Variants in MYO3A observed in about 807,000 individuals in gnomAD.
MYO3A encodes myosin-IIIa.
Under a neutral mutation model 192.7 loss-of-function variants are expected in MYO3A, and 180 were observed. The ratio of observed to expected loss-of-function variants is 0.93; its 90% CI spans 0.83 to 1.06. The LOEUF (loss-of-function observed/expected upper bound fraction) is 1.06, where lower values mean the gene tolerates loss of function less well. Among genes scored for constraint, MYO3A ranks in the 50% least tolerant of loss-of-function variants. The pLI is 0.00. For synonymous variants in MYO3A, 628 were observed against 645.3 expected (o/e 0.97, Z 0.41); for missense variants, 1,896 against 1,905.0 (o/e 1.00, Z 0.09).
In MYO3A at chr10:25,954,779, A is replaced by G. The variant is rs1163559334; in HGVS notation, c.169-95A>G. On this transcript the variant is annotated intron_variant, in intron 3 of 34. Coordinates refer to ENST00000642920, the MANE Select transcript of MYO3A (RefSeq NM_017433.5). ...CAGTAAAAACTATTATGACCTTGAC[A>G]TAATGAAATTCTGTATTTGGTATTC... The G allele has an allele frequency of 6.1e-6, 8 of 1,315,188 alleles. No individual in the cohort carries two copies. The South Asian group carries it at 9.6e-5, about 16-fold the overall frequency. The allele number at this position is 1,315,188 out of a possible 1,614,324, so 81.5% of individuals were successfully genotyped here.
chr10:25,992,761 A>C (rs757422241), intron 4 of MYO3A, among the ~76,000 whole-genome samples: 1 of 152,190 alleles, frequency 6.6e-6, no homozygotes, highest in Admixed American at 6.5e-5. Flanking sequence ...ATCTATTGAG[A>C]TAATCATGTG....
Position 25,995,530 on chromosome 10 carries a change from G to A in MYO3A, c.304-960G>A, listed in dbSNP as rs188686687. 2.0e-5 allele frequency among the ~76,000 whole-genome samples: 3 copies of A among 152,180 alleles called. No individual in the cohort carries two copies. The East Asian group carries it at 5.8e-4, about 29-fold the overall frequency. The stretch of plus-strand genomic sequence containing the variant: ...CATCAGTCATTCTCCATCCAGCTTT[G>A]TTCCATTGCTGGTGAGGAGCTGCGT... On this transcript the variant is annotated intron_variant, in intron 4 of 34. Transcript: ENST00000642920.
In MYO3A at chr10:26,096,628, A is replaced by G; in HGVS notation, c.1722A>G (p.Lys574=). 1 of 1,607,142 alleles carries G rather than the reference A, an allele frequency of 6.2e-7. No homozygotes were observed. Among genetic ancestry groups the G allele is most frequent in the Non-Finnish European group, 8.5e-7 (1 of 1,173,704 alleles). ...ACATCATGAATAATAGTTTCTATAAATCCCAGTATGAATTAATTGAGCAAT... is the reference window on the plus strand; with the variant it reads ...ACATCATGAATAATAGTTTCTATAAGTCCCAGTATGAATTAATTGAGCAAT... The part of the protein sequence containing the change: ...VQDIMNNSFY[K]SQYELIEQCF... The change falls in exon 17 of 35, where the codon AAA becomes AAG. Residue 574 remains lysine (K), a synonymous_variant. Coordinates refer to ENST00000642920, the MANE Select transcript of MYO3A (RefSeq NM_017433.5).
chr10:25,989,664 T>C (rs115349218), intron 4 of MYO3A, among the ~76,000 whole-genome samples: 14,422 of 152,160 alleles, frequency 0.095, 1,194 homozygotes, highest in African/African-American at 0.22. Flanking sequence ...ATGCAATTCA[T>C]CTTAACTATT....
At position 25,952,057 on chromosome 10, in the gene MYO3A, A is replaced by T. The variant is rs1022977070; in HGVS notation, c.-17-37A>T. 18 of 1,494,232 alleles carry T rather than the reference A, an allele frequency of 1.2e-5. No individual in the cohort carries two copies. The African/African-American group carries it at 2.2e-4, about 18-fold the overall frequency. The allele number at this position is 1,494,232 out of a possible 1,614,324, so 92.6% of individuals were successfully genotyped here. A position where few individuals can be genotyped will look rare whatever the true frequency, so the allele number is the denominator to read the frequency against. On this transcript the variant is annotated intron_variant, in intron 2 of 34. Transcript: ENST00000642920. ...TTTGTGTGTGCCATTTGATATCCTC[A>T]ATCAACTGTAGATGAAACTGTACTT...
chr10:26,049,673 CTTTTTTTTTTTTT>C (rs66467075), intron 10 of MYO3A, among the ~76,000 whole-genome samples: 1 of 69,114 alleles, frequency 1.4e-5, no homozygotes, highest in Admixed American at 1.7e-4. Flanking sequence ...TTCTTTCTTT[CTTTTTTTTTTTTT>C]TTTTTTTTTT....
At chr10:26,107,106 T>A (rs1032723176) in intron 17 of MYO3A, among the ~76,000 whole-genome samples, 1 of 151,958 alleles carries the variant, frequency 6.6e-6, no homozygotes, top group Admixed American at 6.6e-5. Context: ...CTGGGAGAGA[T>A]CTAGTATTTG....
chr10:26,028,197 C>T (rs1198100111), intron 10 of MYO3A, among the ~76,000 whole-genome samples: 1 of 152,138 alleles, frequency 6.6e-6, no homozygotes, highest in African/African-American at 2.4e-5. Flanking sequence ...TATGATAACC[C>T]ATTTTCATAG....
intron 22 of MYO3A, among the ~76,000 whole-genome samples, chr10:26,147,026 A>G (rs553061833): frequency 6.6e-6 from 1 of 152,324 alleles, no homozygotes; most frequent in East Asian, 1.9e-4. Flanking sequence ...TCACACTACT[A>G]CTGAGATAAA....
At chr10:26,189,391 G>A (rs974938923) in intron 31 of MYO3A, among the ~76,000 whole-genome samples, 16 of 152,164 alleles carry the variant, frequency 1.1e-4, no homozygotes, top group Non-Finnish European at 1.8e-4. Context: ...GGTTTAAAAT[G>A]GCTTGTGCAA....
rs35541310 is a variant in MYO3A, at chr10:26,168,855, C to T, written c.3255C>T (p.Ser1085=). The change falls in exon 28 of 35, where the codon AGC becomes AGT. Residue 1085 remains serine (S), a synonymous_variant. Coordinates refer to ENST00000642920, the MANE Select transcript of MYO3A (RefSeq NM_017433.5). ...AAATACAGGAGAAAAGGAAAGAAAG[C>T]GCTATAATAATACAGTCAGGTAATC... ...YQKIQEKRKE[S]AIIIQSAARG... The T allele has an allele frequency of 1.3e-4, 215 of 1,610,948 alleles. No individual in the cohort carries two copies. The African/African-American group carries it at 1.7e-3, about 13-fold the overall frequency.
chr10:26,176,622 C>G, intron 30 of MYO3A, 79 bp from the exon 31 acceptor site: 1 of 1,306,928 alleles, frequency 7.7e-7, no homozygotes, highest in Non-Finnish European at 1.1e-6. Context: ...GCTGGTAAGG[C>G]GTTTCCCAGC....
intron 10 of MYO3A, 131 bp downstream of exon 10, chr10:26,026,663 C>G: frequency 9.5e-7 from 1 of 1,053,956 alleles, no homozygotes; most frequent in South Asian, 1.4e-5. Context: ...GTGAATGTCA[C>G]CTGTTGAAAT....
At chr10:26,159,496 C>A (rs1292507348) in intron 26 of MYO3A, among the ~76,000 whole-genome samples, 1 of 151,366 alleles carries the variant, frequency 6.6e-6, no homozygotes, top group Non-Finnish European at 1.5e-5. Flanking sequence ...TCTCCTGCCT[C>A]AGCCTCCCGA....
intron 9 of MYO3A, among the ~76,000 whole-genome samples, chr10:26,025,982 G>A (rs1438131859): frequency 6.6e-6 from 1 of 152,186 alleles, no homozygotes; most frequent in East Asian, 1.9e-4. Context: ...TGCATTGTTT[G>A]TTTTAATTTT....
At chr10:26,065,605 A>AAACAAAACAT (rs1554817237) in intron 10 of MYO3A, among the ~76,000 whole-genome samples, 1 of 118,726 alleles carries the variant, frequency 8.4e-6, no homozygotes, top group Non-Finnish European at 1.8e-5. Context: ...AAAAAAAAAA[A>AAACAAAACAT]AAAAAAAAGT....
At chr10:26,202,472 T>C (rs1446614883) in intron 33 of MYO3A, among the ~76,000 whole-genome samples, 1 of 152,214 alleles carries the variant, frequency 6.6e-6, no homozygotes, top group Non-Finnish European at 1.5e-5. Context: ...GCACAGAAAT[T>C]AATCCGCTAA....
At position 26,128,407 on chromosome 10, in the gene MYO3A, C is replaced by T; in HGVS notation, c.2131C>T (p.Leu711=). 6.2e-7 allele frequency: 1 copy of T among 1,613,092 alleles called. No individual in the cohort carries two copies. The highest frequency in any genetic ancestry group is 8.5e-7 in the Non-Finnish European group (1 of 1,179,306). The change falls in exon 20 of 35, where the codon CTG becomes TTG. Residue 711 remains leucine (L), a synonymous_variant. Coordinates refer to ENST00000642920, the MANE Select transcript of MYO3A (RefSeq NM_017433.5). ...TTCTTCTAGTGGGAATGGTGATGAG[C>T]TGAGCATTGGCATTCTTGATATATT... ...DSSPSGNGDE[L]SIGILDIFGF...
At chr10:26,140,631 G>C (rs1220605418) in intron 20 of MYO3A, among the ~76,000 whole-genome samples, 1 of 150,878 alleles carries the variant, frequency 6.6e-6, no homozygotes, top group African/African-American at 2.4e-5. Context: ...GTTGCAGTGA[G>C]CCGAGATGAC....
Sources: gnomAD v4.1 joint callset for allele counts (sites outside exome capture counted in the v4.1 genomes callset) on GRCh38, gnomAD v4.1.1 for gene constraint, MANE v1.5 for transcripts, NCBI Gene and HGNC (gene_info 2026-07-23, HGNC 2026-07-21) for gene names.